The following CDH18 variants were observed in gnomAD, a reference collection of about 807,000 sequenced individuals.
CDH18 encodes cadherin 18, also known as cadherin-18.
Under a neutral mutation model 67.9 loss-of-function variants are expected in CDH18, and 31 were observed. The observed-to-expected ratio is 0.46, with a 90% CI of 0.34 to 0.62. The LOEUF (loss-of-function observed/expected upper bound fraction) is 0.62. Ranked by LOEUF, CDH18 falls within the 20% of genes least tolerant of loss-of-function variation. CDH18 has a pLI of 0.01. For synonymous variants in CDH18, 362 were observed against 347.2 expected, an observed-to-expected ratio of 1.04 and a Z score of -0.48; for missense variants, 890 against 975.5, an observed-to-expected ratio of 0.91 and a Z score of 1.17.
At chr5:19,492,533 TAAAG>T (rs1374555441) in intron 11 of CDH18, among the ~76,000 whole-genome samples, 1 of 152,118 alleles carries the variant, frequency 6.6e-6, no homozygotes, top group Non-Finnish European at 1.5e-5. Context: ...CATCACAACT[TAAAG>T]TAAGAAAAAA....
chr5:20,274,206 T>C (rs1745640908), intron 1 of CDH18, among the ~76,000 whole-genome samples: 1 of 152,168 alleles, frequency 6.6e-6, no homozygotes, highest in South Asian at 2.1e-4. Context: ...TTTGAACTTC[T>C]AGCCTCCAGA....
At chr5:20,172,127 A>T (rs1253207071) in intron 2 of CDH18, among the ~76,000 whole-genome samples, 1 of 141,510 alleles carries the variant, frequency 7.1e-6, no homozygotes, top group East Asian at 2.1e-4. Flanking sequence ...AATTTATCAC[A>T]TGCCTTTTCA....
intron 5 of CDH18, among the ~76,000 whole-genome samples, chr5:19,627,409 A>G (rs1393540957): frequency 6.6e-6 from 1 of 152,232 alleles, no homozygotes; most frequent in Non-Finnish European, 1.5e-5. Flanking sequence ...CTTACTTGCC[A>G]ATGAACTGAG....
intron 4 of CDH18, among the ~76,000 whole-genome samples, chr5:19,725,880 A>T (rs1340032197): frequency 3.9e-5 from 6 of 152,222 alleles, no homozygotes; most frequent in Admixed American, 3.9e-4. Context: ...AGAAAACAGT[A>T]GAATAAGGAC....
chr5:20,370,421 C>T (rs1268811189), intron 1 of CDH18, among the ~76,000 whole-genome samples: 1 of 151,942 alleles, frequency 6.6e-6, no homozygotes, highest in African/African-American at 2.4e-5. Flanking sequence ...ATAACTGAAA[C>T]TCAGGGAAAT....
intron 2 of CDH18, among the ~76,000 whole-genome samples, chr5:19,998,758 C>T (rs1435981963): frequency 6.6e-6 from 1 of 151,764 alleles, no homozygotes; most frequent in African/African-American, 2.4e-5. Context: ...AGTTTAGGGT[C>T]ACAAAATTAA....
intron 2 of CDH18, among the ~76,000 whole-genome samples, chr5:20,041,043 A>G (rs893982566): frequency 6.6e-6 from 1 of 152,178 alleles, no homozygotes; most frequent in Non-Finnish European, 1.5e-5. Flanking sequence ...TAATTAAAAA[A>G]GTGAGGTATG....
At chr5:19,505,524 T>C (rs2126783205) in intron 10 of CDH18, among the ~76,000 whole-genome samples, 1 of 152,272 alleles carries the variant, frequency 6.6e-6, no homozygotes, top group African/African-American at 2.4e-5. Flanking sequence ...GTTTTTAGCA[T>C]GAAGCATTGT....
chr5:20,214,301 A>G (rs1580495334), intron 2 of CDH18, among the ~76,000 whole-genome samples: 1 of 152,218 alleles, frequency 6.6e-6, no homozygotes, highest in East Asian at 1.9e-4. Context: ...ACTGGTTTCT[A>G]TCAAGCTACC....
At chr5:20,293,041 G>A (rs1156954641) in intron 1 of CDH18, among the ~76,000 whole-genome samples, 1 of 152,176 alleles carries the variant, frequency 6.6e-6, no homozygotes, top group Non-Finnish European at 1.5e-5. Flanking sequence ...GTGAGGCCAG[G>A]TGCGGTGGCT....
chr5:19,988,783 G>A (rs1291028291), upstream of CDH18, among the ~76,000 whole-genome samples: 1 of 152,112 alleles, frequency 6.6e-6, no homozygotes. Context: ...ATTCATCAGT[G>A]ATCCATAGTC....
At chr5:19,481,570 A>T (rs1041530986) in intron 12 of CDH18, among the ~76,000 whole-genome samples, 3 of 152,268 alleles carry the variant, frequency 2.0e-5, no homozygotes, top group Admixed American at 2.0e-4. Flanking sequence ...TGAAGATTTT[A>T]TAATGGGACT....
At chr5:20,240,223 C>G (rs1561903268) in intron 2 of CDH18, among the ~76,000 whole-genome samples, 1 of 151,408 alleles carries the variant, frequency 6.6e-6, no homozygotes. Context: ...AGTGGATATC[C>G]AAGTTTAGAC....
intron 5 of CDH18, among the ~76,000 whole-genome samples, chr5:19,691,857 C>T (rs1398680480): frequency 6.6e-6 from 1 of 151,532 alleles, no homozygotes; most frequent in Non-Finnish European, 1.5e-5. Flanking sequence ...CCATTTTTTA[C>T]AGAAACAGAA....
At chr5:20,052,035 A>C (rs1321432422) in intron 2 of CDH18, among the ~76,000 whole-genome samples, 1 of 152,098 alleles carries the variant, frequency 6.6e-6, no homozygotes, top group Non-Finnish European at 1.5e-5. Flanking sequence ...TTTTTGTATA[A>C]TGCACACAGT....
chr5:20,038,813 T>C (rs1259102886), intron 2 of CDH18, among the ~76,000 whole-genome samples: 8 of 152,178 alleles, frequency 5.3e-5, no homozygotes, highest in Non-Finnish European at 1.2e-4. Context: ...TCATCACTCC[T>C]ATTCAACAAA....
chr5:19,910,412 T>C (rs1791003329), intron 2 of CDH18, among the ~76,000 whole-genome samples: 1 of 152,166 alleles, frequency 6.6e-6, no homozygotes, highest in Admixed American at 6.5e-5. Context: ...CTCTGTATTA[T>C]GAACCGATGT....
chr5:20,351,189 T>TGTGTGTGTGTGC (rs1561995171), intron 1 of CDH18, among the ~76,000 whole-genome samples: 1 of 144,044 alleles, frequency 6.9e-6, no homozygotes, highest in African/African-American at 2.5e-5. Context: ...TGTGTGTGTG[T>TGTGTGTGTGTGC]GTGCGTGTGT....
chr5:19,771,434 G>T (rs1032142921), intron 3 of CDH18, among the ~76,000 whole-genome samples: 2 of 152,200 alleles, frequency 1.3e-5, no homozygotes, highest in Non-Finnish European at 2.9e-5. Context: ...GAAAACTGAT[G>T]ACTCCAGTCC....
Sources: allele counts gnomAD v4.1 joint callset (sites outside exome capture counted in the v4.1 genomes callset), GRCh38; gene constraint gnomAD v4.1.1; transcripts MANE v1.5; gene names NCBI Gene and HGNC (gene_info 2026-07-23, HGNC 2026-07-21).